RYR3: variants seen among roughly 807,000 people sequenced by gnomAD.
RYR3 encodes ryanodine receptor 3.
In RYR3, 207 loss-of-function variants were observed where a neutral mutation model predicts 584.3. The ratio of observed to expected loss-of-function variants is 0.35; its 90% CI spans 0.32 to 0.40. RYR3 has a LOEUF of 0.40. Ranked by LOEUF, RYR3 falls within the 10% of genes least tolerant of loss-of-function variation. The pLI, the probability that RYR3 is intolerant of heterozygous loss-of-function variation, is 1.00. For synonymous variants in RYR3, 2,416 were observed against 2,248.5 expected, an observed-to-expected ratio of 1.07 and a Z score of -2.11; for missense variants, 5,616 against 6,089.2, an observed-to-expected ratio of 0.92 and a Z score of 2.59.
At chr15:33,475,647 G>C (rs775439415) in intron 2 of RYR3, among the ~76,000 whole-genome samples, 1 of 152,186 alleles carries the variant, frequency 6.6e-6, no homozygotes, top group South Asian at 2.1e-4. Context: ...GGCACAGGCT[G>C]TGAGCCAGAC....
Position 33,709,343 on chromosome 15 carries a change from G to C in RYR3, c.6619+2289G>C, listed in dbSNP as rs370590081. ...AGGCCTAATGGAGGAGGTGATGTTA[G>C]AGATAAGCTTTGAAAGGTCAAGTTT... On this transcript the variant is annotated intron_variant, in intron 43 of 103. Transcript: ENST00000634891. Among the ~76,000 whole-genome samples, 33 of 152,308 alleles carry C rather than the reference G, an allele frequency of 2.2e-4. No homozygotes were observed. In the East Asian group the frequency reaches 6.0e-3, roughly 28 times the overall value.
intron 67 of RYR3, among the ~76,000 whole-genome samples, chr15:33,789,186 T>C (rs879453861): frequency 3.9e-5 from 6 of 152,014 alleles, no homozygotes; most frequent in Admixed American, 3.9e-4. Flanking sequence ...GGAAGAGCAG[T>C]AGAAGATGTC....
intron 1 of RYR3, among the ~76,000 whole-genome samples, chr15:33,317,480 G>T (rs1197068686): frequency 7.8e-6 from 1 of 127,754 alleles, no homozygotes; most frequent in African/African-American, 3.2e-5. Context: ...TTGGAAGTCA[G>T]GGGGGGTGTT....
In RYR3 at chr15:33,861,073, C is replaced by T. The variant is rs772108766; in HGVS notation, c.14365-5C>T. On this transcript the variant is annotated splice_polypyrimidine_tract_variant and splice_region_variant and intron_variant, in intron 101 of 103. Transcript: ENST00000634891. ...AATGCCTTTTCTGCCTGTTATTTTTCTTAGACTAAATGTTTCATCTGTGGG... is the reference window on the plus strand; with the variant it reads ...AATGCCTTTTCTGCCTGTTATTTTTTTTAGACTAAATGTTTCATCTGTGGG... The T allele has an allele frequency of 1.9e-6, 3 of 1,574,434 alleles. No homozygotes were observed. The Admixed American group carries it at 5.5e-5, about 29-fold the overall frequency.
intron 1 of RYR3, among the ~76,000 whole-genome samples, chr15:33,350,324 C>A (rs1973072220): frequency 6.6e-6 from 1 of 152,284 alleles, no homozygotes; most frequent in African/African-American, 2.4e-5. Context: ...GGCTTTAACA[C>A]CCCACTGCCA....
chr15:33,713,566 A>G (rs953435181), intron 43 of RYR3, among the ~76,000 whole-genome samples: 4 of 152,156 alleles, frequency 2.6e-5, no homozygotes, highest in Non-Finnish European at 5.9e-5. Context: ...AGCATTTACC[A>G]TGTGCCAGGC....
In RYR3 at chr15:33,857,918, A is replaced by G. The variant is rs1235991079; in HGVS notation, c.14142+4A>G. The G allele has an allele frequency of 3.7e-6, 6 of 1,613,318 alleles. No homozygotes were observed. Among genetic ancestry groups the G allele is most frequent in the Non-Finnish European group, 5.1e-6 (6 of 1,179,938 alleles). ...GAAGTGCGACGACATGATGACGGTG[A>G]GAGCCCACCCACTGCGGGGCCAGCC... On this transcript the variant is annotated splice_donor_region_variant and intron_variant, in intron 99 of 103. Coordinates refer to ENST00000634891, the MANE Select transcript of RYR3 (RefSeq NM_001036.6).
At chr15:33,756,843 G>A (rs773149039) in intron 59 of RYR3, among the ~76,000 whole-genome samples, 6 of 152,074 alleles carry the variant, frequency 3.9e-5, no homozygotes, top group Non-Finnish European at 8.8e-5. Context: ...CTTCTGGTAC[G>A]ATATGATACC....
intron 34 of RYR3, 32 bp downstream of exon 34, chr15:33,660,455 G>A (rs745578598): frequency 1.4e-6 from 2 of 1,458,006 alleles, no homozygotes; most frequent in Non-Finnish European, 1.8e-6. Context: ...GAAGGGGCAG[G>A]CCTGAGGGGC....
chr15:33,530,180 G>T lies in RYR3; in HGVS notation c.280-412G>T, dbSNP rs3816093. Among the ~76,000 whole-genome samples, 174 of 152,352 alleles carry T rather than the reference G, an allele frequency of 1.1e-3. 3 individuals carry two copies. In the East Asian group the frequency reaches 0.023, roughly 20 times the overall value. Reference sequence around the variant, plus strand: ...GAAAAGACTGCATGGCACAGAATGTGACCATGTGCCGCCTGCCACACTGCC... The same window carrying T: ...GAAAAGACTGCATGGCACAGAATGTTACCATGTGCCGCCTGCCACACTGCC... On this transcript the variant is annotated intron_variant, in intron 3 of 103. Coordinates refer to ENST00000634891, the MANE Select transcript of RYR3 (RefSeq NM_001036.6).
chr15:33,752,665 G>A (rs1179166668), intron 57 of RYR3, among the ~76,000 whole-genome samples: 1 of 152,152 alleles, frequency 6.6e-6, no homozygotes, highest in Non-Finnish European at 1.5e-5. Flanking sequence ...ATACAATCAT[G>A]TCATCTGCAA....
intron 57 of RYR3, among the ~76,000 whole-genome samples, chr15:33,750,592 T>G (rs561783313): frequency 1.3e-5 from 2 of 152,362 alleles, no homozygotes; most frequent in South Asian, 4.1e-4. Flanking sequence ...GCTAAGGCCC[T>G]TTCTTTGTAT....
intron 43 of RYR3, among the ~76,000 whole-genome samples, chr15:33,710,364 G>A (rs2067020042): frequency 8.3e-6 from 1 of 120,964 alleles, no homozygotes; most frequent in African/African-American, 3.2e-5. Context: ...TTTTTTTTGA[G>A]ACAGGGTCTT....
chr15:33,516,201 C>T (rs957002315), intron 3 of RYR3, among the ~76,000 whole-genome samples: 1 of 152,084 alleles, frequency 6.6e-6, no homozygotes, highest in African/African-American at 2.4e-5. Context: ...CAGCTTCCCC[C>T]ATGTTTTATT....
At chr15:33,832,417 G>A (rs1238460200) in intron 86 of RYR3, among the ~76,000 whole-genome samples, 1 of 152,184 alleles carries the variant, frequency 6.6e-6, no homozygotes, top group Non-Finnish European at 1.5e-5. Flanking sequence ...CTCTTTGGGA[G>A]GCCAAGGTGG....
chr15:33,387,093 G>A (rs995267843), intron 1 of RYR3, among the ~76,000 whole-genome samples: 6 of 152,068 alleles, frequency 3.9e-5, no homozygotes, highest in Non-Finnish European at 5.9e-5. Context: ...TCCTGACCTC[G>A]TGATCCACCT....
At chr15:33,352,231 A>T (rs578120821) in intron 1 of RYR3, among the ~76,000 whole-genome samples, 1 of 152,278 alleles carries the variant, frequency 6.6e-6, no homozygotes, top group East Asian at 1.9e-4. Context: ...GGCCTTAGTT[A>T]CAGTTCCTTT....
In RYR3 at chr15:33,374,590, A is replaced by T. The variant is rs557489678; in HGVS notation, c.51+63494A>T. Among the ~76,000 whole-genome samples, 17 of 152,302 alleles carry T rather than the reference A, an allele frequency of 1.1e-4. No homozygotes were observed. The East Asian group carries it at 3.1e-3, about 28-fold the overall frequency. On this transcript the variant is annotated intron_variant, in intron 1 of 103. Coordinates refer to ENST00000634891, the MANE Select transcript of RYR3 (RefSeq NM_001036.6). ...AAATTTCCTCAGCACACCAGATCAC[A>T]CTTGACCCTTTGGGACAGTTTGAAG...
intron 102 of RYR3, among the ~76,000 whole-genome samples, chr15:33,862,526 G>C (rs1291132950): frequency 6.6e-6 from 1 of 152,200 alleles, no homozygotes; most frequent in Non-Finnish European, 1.5e-5. Flanking sequence ...CTTTAGGCTA[G>C]AGCAGGCTCA....
Sources: allele counts gnomAD v4.1 joint callset (sites outside exome capture counted in the v4.1 genomes callset), GRCh38; gene constraint gnomAD v4.1.1; transcripts MANE v1.5; gene names NCBI Gene and HGNC (gene_info 2026-07-23, HGNC 2026-07-21).